Variants in MED13 observed in about 807,000 individuals in gnomAD.
The protein encoded by MED13 is mediator complex subunit 13, also known as mediator of RNA polymerase II transcription subunit 13.
Under a neutral mutation model 225.2 loss-of-function variants are expected in MED13, and 23 were observed. The ratio of observed to expected loss-of-function variants is 0.10; its 90% CI spans 0.07 to 0.14. The LOEUF is 0.14. Ranked by LOEUF, MED13 falls within the 10% of genes least tolerant of loss-of-function variation. MED13 has a pLI of 1.00. For synonymous variants in MED13, 942 were observed against 889.2 expected (o/e 1.06, Z -1.06); for missense variants, 2,197 against 2,594.5 (o/e 0.85, Z 3.33).
chr17:61,990,650 T>TATATATATATATAC (rs1491124278), intron 11 of MED13, among the ~76,000 whole-genome samples: 178 of 141,144 alleles, frequency 1.3e-3, no homozygotes, highest in African/African-American at 4.6e-3. Context: ...TATATATATA[T>TATATATATATATAC]ACACACTCCC....
intron 8 of MED13, among the ~76,000 whole-genome samples, chr17:62,011,802 G>C (rs1359710746): frequency 1.3e-5 from 2 of 152,054 alleles, no homozygotes; most frequent in Admixed American, 6.6e-5. Context: ...ACTACAAAAA[G>C]AATAAACTGA....
chr17:61,976,997 TAA>T (rs1165272032), intron 16 of MED13, among the ~76,000 whole-genome samples: 1 of 152,210 alleles, frequency 6.6e-6, no homozygotes, highest in Non-Finnish European at 1.5e-5. Flanking sequence ...TGTAGACTTT[TAA>T]ATTCATTCAA....
chr17:61,966,521 C>A lies in MED13; in HGVS notation c.4322G>T (p.Gly1441Val). 3 of 1,613,858 alleles carry A rather than the reference C, an allele frequency of 1.9e-6. No individual in the cohort carries two copies. Among genetic ancestry groups the A allele is most frequent in the Non-Finnish European group, 2.5e-6 (3 of 1,179,870 alleles). The change falls in exon 19 of 30, where the codon GGT becomes GTT. Residue 1441 changes from glycine to valine, a missense_variant. By Grantham distance (109) the Gly-to-Val change is moderately radical. Transcript: ENST00000397786. Reference protein sequence around the residue: ...VAEWFSQAADGNNEAFSKLKL... With the variant: ...VAEWFSQAADVNNEAFSKLKL... ...GAGTTTAGAAAATGCTTCATTGTTACCGTCAGCTGCCTGAGAAAACCATTC... is the reference window on the plus strand; with the variant it reads ...GAGTTTAGAAAATGCTTCATTGTTAACGTCAGCTGCCTGAGAAAACCATTC...
chr17:61,964,948 G>GA, intron 20 of MED13, 58 bp downstream of exon 20: 1 of 1,476,012 alleles, frequency 6.8e-7, no homozygotes, highest in South Asian at 1.3e-5. Flanking sequence ...GAAAAAAAAA[G>GA]AAAGAAGCAG....
At chr17:61,970,942 T>C (rs1470140586) in intron 17 of MED13, among the ~76,000 whole-genome samples, 4 of 151,750 alleles carry the variant, frequency 2.6e-5, no homozygotes, top group Non-Finnish European at 5.9e-5. Context: ...AGAGGATCAC[T>C]TGGACCCAGG....
chr17:62,018,340 T>TA (rs1302079845), intron 8 of MED13, among the ~76,000 whole-genome samples: 1 of 152,186 alleles, frequency 6.6e-6, no homozygotes, highest in African/African-American at 2.4e-5. Flanking sequence ...ATATAAATTG[T>TA]AAAAACAATA....
intron 2 of MED13, among the ~76,000 whole-genome samples, chr17:62,058,151 C>A (rs1374592180): frequency 2.0e-5 from 3 of 152,036 alleles, no homozygotes; most frequent in Admixed American, 6.6e-5. Context: ...AAGATTTTCC[C>A]ATCACCCATT....
intron 11 of MED13, among the ~76,000 whole-genome samples, chr17:61,990,013 TAG>T (rs1229603519): frequency 1.3e-5 from 2 of 152,224 alleles, no homozygotes; most frequent in Non-Finnish European, 2.9e-5. Context: ...ATTGTTCAGA[TAG>T]ATTTTTTTCT....
chr17:62,048,044 A>ATATACATATACG (rs2080915586), intron 3 of MED13, among the ~76,000 whole-genome samples: 1 of 87,724 alleles, frequency 1.1e-5, no homozygotes, highest in Non-Finnish European at 2.3e-5. Flanking sequence ...ATACATATAC[A>ATATACATATACG]TATATATATA....
intron 10 of MED13, among the ~76,000 whole-genome samples, chr17:61,993,597 G>C (rs907919123): frequency 1.3e-5 from 2 of 152,114 alleles, no homozygotes; most frequent in Admixed American, 6.6e-5. Flanking sequence ...GCATATAGTA[G>C]GGCTAAGTAA....
chr17:62,011,771 T>C (rs1433792288), intron 8 of MED13, among the ~76,000 whole-genome samples: 1 of 152,214 alleles, frequency 6.6e-6, no homozygotes, highest in African/African-American at 2.4e-5. Context: ...ACACCATACC[T>C]ACCTTCTCCA....
intron 1 of MED13, among the ~76,000 whole-genome samples, chr17:62,064,885 G>A (rs77986838): frequency 6.0e-4 from 91 of 152,332 alleles, no homozygotes; most frequent in Middle Eastern, 6.8e-3. Flanking sequence ...TCAAGTTGAG[G>A]ACGAGACTAC....
chr17:61,979,025 T>C (rs1190778256), intron 16 of MED13, among the ~76,000 whole-genome samples: 2 of 152,238 alleles, frequency 1.3e-5, no homozygotes, highest in Admixed American at 6.5e-5. Flanking sequence ...TTGGTCATTT[T>C]TGGACACATG....
chr17:62,018,645 G>A (rs2143628104), intron 8 of MED13, among the ~76,000 whole-genome samples: 1 of 152,024 alleles, frequency 6.6e-6, no homozygotes, highest in South Asian at 2.1e-4. Flanking sequence ...GCCAGGGAGG[G>A]GCAGGTTGCA....
intron 23 of MED13, among the ~76,000 whole-genome samples, chr17:61,957,240 T>C (rs1250827618): frequency 1.3e-5 from 2 of 151,630 alleles, no homozygotes; most frequent in Non-Finnish European, 2.9e-5. Context: ...AGAGAGGGGG[T>C]TTCACCATGT....
rs58261678 is a variant in MED13, at chr17:61,998,596, C to CTTTTTTTTTTTT, written c.1968-3243_1968-3232dup. The stretch of plus-strand genomic sequence containing the variant: ...AATAATGTCAAAATCTTCCCACCGC[C>CTTTTTTTTTTTT]TTTTTTTTTTTTTTTTTTTTTTTGA... On this transcript the variant is annotated intron_variant, in intron 9 of 29. Coordinates refer to ENST00000397786, the MANE Select transcript of MED13 (RefSeq NM_005121.3). Among the ~76,000 whole-genome samples, 16 of 115,540 alleles carry CTTTTTTTTTTTT rather than the reference C, an allele frequency of 1.4e-4. 1 individual carries two copies. The highest frequency in any genetic ancestry group is 5.6e-4 in the African/African-American group (16 of 28,472). 75.8% of individuals were successfully genotyped at this position (115,540 alleles called of 152,430 possible).
chr17:61,971,948 TAAATA>T (rs770358858), intron 17 of MED13, among the ~76,000 whole-genome samples: 107 of 151,910 alleles, frequency 7.0e-4, no homozygotes, highest in East Asian at 2.1e-3. Context: ...AAAAACCAAA[TAAATA>T]AAATAAAATA....
chr17:61,983,670 G>A (rs948902480), intron 15 of MED13, among the ~76,000 whole-genome samples: 1 of 151,680 alleles, frequency 6.6e-6, no homozygotes, highest in African/African-American at 2.4e-5. Flanking sequence ...AAGGTGCTTC[G>A]GAATACAAAT....
Position 62,047,552 on chromosome 17 carries a change from T to C in MED13, c.470+4985A>G, listed in dbSNP as rs115923771. Among the ~76,000 whole-genome samples the C allele has an allele frequency of 7.3e-3, 1,115 of 151,932 alleles. 14 individuals carry two copies. Among genetic ancestry groups the C allele is most frequent in the African/African-American group, 0.026 (1,072 of 41,426 alleles). On this transcript the variant is annotated intron_variant, in intron 3 of 29. Coordinates refer to ENST00000397786, the MANE Select transcript of MED13 (RefSeq NM_005121.3). ...GGGAACATCACAGACTGGGGCCTGT[T>C]AGGGGATAGGGAGCATGGAGAGGGA...
Sources: gnomAD v4.1 joint callset for allele counts (sites outside exome capture counted in the v4.1 genomes callset) on GRCh38, gnomAD v4.1.1 for gene constraint, MANE v1.5 for transcripts, NCBI Gene and HGNC (gene_info 2026-07-23, HGNC 2026-07-21) for gene names.